Variants in TRDN observed in about 807,000 individuals in gnomAD.
TRDN encodes the protein triadin in skeletal muscle.
Under a neutral mutation model 149.7 loss-of-function variants are expected in TRDN, and 161 were observed. The ratio of observed to expected loss-of-function variants is 1.08; its 90% CI spans 0.95 to 1.23. The LOEUF (loss-of-function observed/expected upper bound fraction) is 1.23. TRDN is among the 50% of genes most tolerant of loss of function. TRDN has a pLI of 0.00. For synonymous variants in TRDN, 294 were observed against 250.5 expected (o/e 1.17, Z -1.64); for missense variants, 896 against 823.5 (o/e 1.09, Z -1.08).
chr6:123,341,231 G>A (rs907727609), intron 21 of TRDN, among the ~76,000 whole-genome samples: 1 of 146,552 alleles, frequency 6.8e-6, no homozygotes, highest in African/African-American at 2.4e-5. Flanking sequence ...AGATATAACA[G>A]ACTAATTTTA....
chr6:123,568,353 G>A (rs1166124950), intron 2 of TRDN, among the ~76,000 whole-genome samples: 1 of 152,174 alleles, frequency 6.6e-6, no homozygotes, highest in Non-Finnish European at 1.5e-5. Context: ...TCATTTTGGG[G>A]TCTGGAGGAC....
chr6:123,239,058 C>G (rs1775893127), intron 38 of TRDN, among the ~76,000 whole-genome samples: 1 of 152,126 alleles, frequency 6.6e-6, no homozygotes, highest in Non-Finnish European at 1.5e-5. Flanking sequence ...CCAGGATGGT[C>G]TTGATCTCCT....
At position 123,367,655 on chromosome 6, in the gene TRDN, G is replaced by T. The variant is rs939958034; in HGVS notation, c.1274-1473C>A. Among the ~76,000 whole-genome samples the T allele has an allele frequency of 3.9e-5, 6 of 152,296 alleles. No homozygotes were observed. The East Asian group carries it at 1.2e-3, about 29-fold the overall frequency. On this transcript the variant is annotated intron_variant, in intron 19 of 40. Transcript: ENST00000334268. ...TTCCAGGTAAAGACTTTAGATCAAT[G>T]GCTCTTAAACTTAAGCATGCATCAG...
At position 123,353,692 on chromosome 6, in the gene TRDN, A is replaced by G. The variant is rs561919961; in HGVS notation, c.1322-1106T>C. Among the ~76,000 whole-genome samples, 14 of 151,766 alleles carry G rather than the reference A, an allele frequency of 9.2e-5. 1 individual carries two copies. The South Asian group carries it at 2.9e-3, about 31-fold the overall frequency. ...GAGGGAAAAAAAGGAGGTGAATTTC[A>G]CCTTTAATTATATCTGTTGAAAAAA... On this transcript the variant is annotated intron_variant, in intron 20 of 40. Transcript: ENST00000334268.
chr6:123,516,031 CCTAAT>C, intron 6 of TRDN, 105 bp downstream of exon 6: 1 of 1,131,242 alleles, frequency 8.8e-7, no homozygotes, highest in Non-Finnish European at 1.1e-6. Context: ...AGAAAATAAT[CCTAAT>C]CTAATTTGTA....
chr6:123,579,659 T>A (rs188061133), intron 1 of TRDN, among the ~76,000 whole-genome samples: 3 of 152,114 alleles, frequency 2.0e-5, no homozygotes, highest in African/African-American at 7.2e-5. Context: ...TGGCCTCATA[T>A]AATGAGTTGG....
At chr6:123,393,477 G>T in intron 13 of TRDN, 147 bp downstream of exon 13, 2 of 701,700 alleles carry the variant, frequency 2.9e-6, no homozygotes, top group Non-Finnish European at 4.5e-6. Flanking sequence ...ATAAATACTT[G>T]AACTGTGTAT....
chr6:123,582,879 C>G (rs1052268103), intron 1 of TRDN, among the ~76,000 whole-genome samples: 2 of 151,338 alleles, frequency 1.3e-5, no homozygotes, highest in African/African-American at 4.9e-5. Context: ...GGCGTGGGAA[C>G]CTAGAGTGGG....
intron 9 of TRDN, among the ~76,000 whole-genome samples, chr6:123,485,249 T>C (rs1486787319): frequency 1.3e-5 from 2 of 152,186 alleles, no homozygotes; most frequent in Non-Finnish European, 2.9e-5. Flanking sequence ...CTGTCTTTGT[T>C]AATTCTGAGC....
chr6:123,519,811 C>A (rs899765722), intron 5 of TRDN, among the ~76,000 whole-genome samples: 3 of 151,678 alleles, frequency 2.0e-5, no homozygotes, highest in Non-Finnish European at 4.4e-5. Context: ...AGCATCATTA[C>A]CTGTAATAAA....
At chr6:123,460,650 T>C (rs1310251908) in intron 10 of TRDN, among the ~76,000 whole-genome samples, 5 of 150,164 alleles carry the variant, frequency 3.3e-5, no homozygotes, top group African/African-American at 7.6e-5. Context: ...TTTTATTTTA[T>C]TTTTTTACTT....
intron 19 of TRDN, among the ~76,000 whole-genome samples, chr6:123,368,275 C>A (rs769925703): frequency 3.3e-5 from 5 of 152,174 alleles, no homozygotes; most frequent in African/African-American, 4.8e-5. Context: ...TATCAGGTTG[C>A]ACCACTCTCT....
intron 38 of TRDN, among the ~76,000 whole-genome samples, chr6:123,230,642 A>G (rs1320823540): frequency 6.6e-6 from 1 of 152,000 alleles, no homozygotes; most frequent in Non-Finnish European, 1.5e-5. Context: ...AAAACAATTT[A>G]CTAGAAACAT....
chr6:123,292,650 T>C (rs989622338), intron 24 of TRDN, among the ~76,000 whole-genome samples: 8 of 152,142 alleles, frequency 5.3e-5, no homozygotes, highest in Non-Finnish European at 1.2e-4. Flanking sequence ...GAAGGGCCCT[T>C]ATCAGGTGTC....
intron 16 of TRDN, 34 bp downstream of exon 16, chr6:123,381,336 A>G (rs891235646): frequency 6.5e-7 from 1 of 1,543,080 alleles, no homozygotes; most frequent in South Asian, 1.2e-5. Context: ...AGTAAAAAAA[A>G]AAGTACACAA....
chr6:123,323,624 T>C (rs191441136), intron 23 of TRDN, among the ~76,000 whole-genome samples: 2 of 152,304 alleles, frequency 1.3e-5, no homozygotes, highest in East Asian at 3.9e-4. Flanking sequence ...AAATTCCCAA[T>C]GGAGTTTGAT....
intron 9 of TRDN, among the ~76,000 whole-genome samples, chr6:123,473,931 G>C (rs1408993417): frequency 6.6e-6 from 1 of 151,952 alleles, no homozygotes; most frequent in Non-Finnish European, 1.5e-5. Context: ...CCCTAAAAGA[G>C]CTCCTGAAGG....
At chr6:123,315,853 A>G (rs900549299) in intron 24 of TRDN, among the ~76,000 whole-genome samples, 1 of 151,868 alleles carries the variant, frequency 6.6e-6, no homozygotes, top group Non-Finnish European at 1.5e-5. Context: ...TAATCTCTTG[A>G]CTTCTTCCCT....
chr6:123,459,397 A>T (rs569944341), intron 10 of TRDN, among the ~76,000 whole-genome samples: 2 of 152,294 alleles, frequency 1.3e-5, no homozygotes, highest in East Asian at 3.9e-4. Flanking sequence ...TTTTACATAC[A>T]TCATTTTACA....
Sources: gnomAD v4.1 joint callset for allele counts (sites outside exome capture counted in the v4.1 genomes callset) on GRCh38, gnomAD v4.1.1 for gene constraint, MANE v1.5 for transcripts, NCBI Gene and HGNC (gene_info 2026-07-23, HGNC 2026-07-21) for gene names.